Variants in DLG4 observed in about 807,000 individuals in gnomAD.
The protein encoded by DLG4 is disks large homolog 4.
DLG4 carries 7 observed loss-of-function variants against 93.8 expected under a neutral mutation model. The ratio of observed to expected loss-of-function variants is 0.07; its 90% CI spans 0.04 to 0.14. The LOEUF is 0.14. Among genes scored for constraint, DLG4 ranks in the 10% least tolerant of loss-of-function variants. The pLI is 1.00. For missense variants in DLG4, 545 were observed against 992.9 expected, an observed-to-expected ratio of 0.55 and a Z score of 6.06; for synonymous variants, 341 against 387.6, an observed-to-expected ratio of 0.88 and a Z score of 1.41.
chr17:7,219,741 G>T, upstream of DLG4: 1 of 1,447,812 alleles, frequency 6.9e-7, no homozygotes, highest in Non-Finnish European at 9.1e-7. Flanking sequence ...TAGACTCTAG[G>T]TCGGACGGGC....
intron 8 of DLG4, among the ~76,000 whole-genome samples, chr17:7,198,270 G>A (rs987316650): frequency 6.6e-6 from 1 of 151,818 alleles, no homozygotes; most frequent in Admixed American, 6.6e-5. Context: ...ATCACTTGAG[G>A]TTAAGACTTT....
At chr17:7,210,643 G>A (rs1406313667) in intron 1 of DLG4, among the ~76,000 whole-genome samples, 2 of 152,184 alleles carry the variant, frequency 1.3e-5, no homozygotes, top group Admixed American at 6.5e-5. Context: ...CTGGGGGAAG[G>A]GGTGGAAGCC....
At chr17:7,198,936 A>T (rs1313265025) in intron 8 of DLG4, among the ~76,000 whole-genome samples, 1 of 151,830 alleles carries the variant, frequency 6.6e-6, no homozygotes, top group Non-Finnish European at 1.5e-5. Context: ...GGATCGCTTG[A>T]GCCCAGGAGG....
intron 1 of DLG4, among the ~76,000 whole-genome samples, chr17:7,209,775 G>A (rs2070635668): frequency 6.6e-6 from 1 of 151,922 alleles, no homozygotes; most frequent in Admixed American, 6.6e-5. Context: ...GTCTCAAAAA[G>A]AGAGAGAGGC....
At chr17:7,204,604 G>A (rs1236127336) in intron 2 of DLG4, among the ~76,000 whole-genome samples, 1 of 151,772 alleles carries the variant, frequency 6.6e-6, no homozygotes, top group Non-Finnish European at 1.5e-5. Context: ...AGGCTTGGGG[G>A]AAGGGAGCTT....
chr17:7,211,457 G>C (rs1463768994), intron 1 of DLG4, among the ~76,000 whole-genome samples: 1 of 151,604 alleles, frequency 6.6e-6, no homozygotes, highest in Admixed American at 6.6e-5. Flanking sequence ...CTGGAACTGA[G>C]GCTTGCACCC....
chr17:7,193,138 C>A lies in DLG4; in HGVS notation c.1694-21G>T. On this transcript the variant is annotated intron_variant, in intron 16 of 19. Coordinates refer to ENST00000399506, the MANE Select transcript of DLG4 (RefSeq NM_001321075.3). The surrounding 1 kb of genome is among the most constrained non-coding windows in gnomAD (Gnocchi z 6.7). Reference sequence around the variant, plus strand: ...CGTATCTGCCAGGAAGTCACCCCACCCCCCAAAGATCTAACCACCATCCCT... The same window carrying A: ...CGTATCTGCCAGGAAGTCACCCCACACCCCAAAGATCTAACCACCATCCCT... 1 of 1,612,910 alleles carries A rather than the reference C, an allele frequency of 6.2e-7. No individual in the cohort carries two copies. The highest frequency in any genetic ancestry group is 8.5e-7 in the Non-Finnish European group (1 of 1,179,268).
chr17:7,206,080 A>G (rs1391680378), intron 2 of DLG4, among the ~76,000 whole-genome samples: 1 of 151,280 alleles, frequency 6.6e-6, no homozygotes, highest in African/African-American at 2.4e-5. Context: ...ATGTGGCCTC[A>G]TCCTCCATCC....
chr17:7,217,218 G>A lies in DLG4; in HGVS notation c.-71C>T, dbSNP rs1263920402. On this transcript the variant is annotated 5_prime_UTR_variant, in exon 1 of 20. Coordinates refer to ENST00000399506, the MANE Select transcript of DLG4 (RefSeq NM_001321075.3). Reference sequence around the variant, plus strand: ...TCGGAGTTTCGTTCCTCCCCTCCGTGGGTTCTCACCCCTCCCCCCTCCGCA... The same window carrying A: ...TCGGAGTTTCGTTCCTCCCCTCCGTAGGTTCTCACCCCTCCCCCCTCCGCA... The A allele has an allele frequency of 6.3e-6, 8 of 1,261,896 alleles. No homozygotes were observed. The highest frequency in any genetic ancestry group is 7.0e-5 in the South Asian group (2 of 28,662). The allele number at this position is 1,261,896 out of a possible 1,614,324, so 78.2% of individuals were successfully genotyped here. A position where few individuals can be genotyped will look rare whatever the true frequency, so the allele number is the denominator to read the frequency against.
At chr17:7,201,341 C>A (rs1161067694) in intron 8 of DLG4, among the ~76,000 whole-genome samples, 2 of 152,176 alleles carry the variant, frequency 1.3e-5, no homozygotes, top group African/African-American at 4.8e-5. Flanking sequence ...TGATTCTCAA[C>A]CACCATAATT....
At chr17:7,217,924 G>T, upstream of DLG4, 1 of 1,115,636 alleles carries the variant, frequency 9.0e-7, no homozygotes, top group East Asian at 2.6e-5. Flanking sequence ...TAGGGGGTCG[G>T]GTGTGAGGGA....
In DLG4 at chr17:7,194,258, CG is replaced by C; in HGVS notation, c.1478+60del. 2 of 1,548,440 alleles carry C rather than the reference CG, an allele frequency of 1.3e-6. No individual in the cohort carries two copies. The highest frequency in any genetic ancestry group is 1.7e-6 in the Non-Finnish European group (2 of 1,146,018). ...CCCATCCCCTGTTGGCTGCCCACCC[CG>C]GGGGACCTTGGGAACTTCAGTGCCT... is the stretch of plus-strand genomic sequence containing the variant. On this transcript the variant is annotated intron_variant, in intron 12 of 19. Coordinates refer to ENST00000399506, the MANE Select transcript of DLG4 (RefSeq NM_001321075.3). This position sits in a 1 kb window ranked among gnomAD's most constrained non-coding sequence, Gnocchi z 4.4.
rs2069640948 is a variant in DLG4 at position 7,194,038 on chromosome 17, G to A, written c.1479-38C>T. 1 of 1,607,090 alleles carries A rather than the reference G, an allele frequency of 6.2e-7. No homozygotes were observed. The highest frequency in any genetic ancestry group is 8.5e-7 in the Non-Finnish European group (1 of 1,176,588). The stretch of plus-strand genomic sequence containing the variant: ...TGGAGGGATACGCGGGTAGGGGAAT[G>A]CCTACCCCCTGCCACCCCCATGCTC... On this transcript the variant is annotated intron_variant, in intron 12 of 19. Coordinates refer to ENST00000399506, the MANE Select transcript of DLG4 (RefSeq NM_001321075.3). The surrounding 1 kb of genome is among the most constrained non-coding windows in gnomAD (Gnocchi z 4.4).
At position 7,191,337 on chromosome 17, in the gene DLG4, T is replaced by C; in HGVS notation, c.1998A>G (p.Thr666=). 6.2e-7 allele frequency: 1 copy of C among 1,613,926 alleles called. No individual in the cohort carries two copies. Among genetic ancestry groups the C allele is most frequent in the Non-Finnish European group, 8.5e-7 (1 of 1,179,842 alleles). ...CGAAGGCTTTGCGGGCTTGCTCCTC[T>C]GTGATCCGCTTGTTAATCTCTCTGT... ...ENVLEINKRI[T]EEQARKAFDR... Residue 666 remains threonine (T), a synonymous_variant, in exon 19 of 20, where the codon ACA becomes ACG. Transcript: ENST00000399506. This position sits in a 1 kb window ranked among gnomAD's most constrained non-coding sequence, Gnocchi z 6.6.
chr17:7,217,765 G>A (rs1048545082), upstream of DLG4: 8 of 1,535,240 alleles, frequency 5.2e-6, no homozygotes, highest in South Asian at 1.2e-5. Context: ...AGAGGCCCCT[G>A]AGGCAAACAT....
chr17:7,201,419 T>C (rs114464237), intron 8 of DLG4, among the ~76,000 whole-genome samples: 1,680 of 152,248 alleles, frequency 0.011, 36 homozygotes, highest in African/African-American at 0.038. Flanking sequence ...ACCATTGTCA[T>C]CTGATAGACA....
At chr17:7,207,369 AGC>A (rs1248748890) in intron 2 of DLG4, among the ~76,000 whole-genome samples, 2 of 151,908 alleles carry the variant, frequency 1.3e-5, no homozygotes, top group Non-Finnish European at 2.9e-5. Context: ...CCAGCCAGCC[AGC>A]AGGGAGGAAA....
chr17:7,202,624 A>G, intron 8 of DLG4: 1 of 520,218 alleles, frequency 1.9e-6, no homozygotes, highest in East Asian at 2.9e-5. Context: ...GTACTCTGGA[A>G]GAGCAGAAGA....
In DLG4 at chr17:7,189,228, AC is replaced by A. The variant is rs1228866313; in HGVS notation, c.*1479del. 6.6e-6 allele frequency among the ~76,000 whole-genome samples: 1 copy of A among 151,490 alleles called. No individual in the cohort carries two copies. The highest frequency in any genetic ancestry group is 1.5e-5 in the Non-Finnish European group (1 of 67,908). ...ATTTCCAGGCCAGGCGCGGTGGCTC[AC>A]GCCTGTAATCCCAGCACTTTGGGAG... On this transcript the variant is annotated 3_prime_UTR_variant, in exon 20 of 20. Coordinates refer to ENST00000399506, the MANE Select transcript of DLG4 (RefSeq NM_001321075.3).
Sources: allele counts gnomAD v4.1 joint callset (sites outside exome capture counted in the v4.1 genomes callset), GRCh38; gene constraint gnomAD v4.1.1; non-coding constraint Gnocchi (gnomAD v3.1); transcripts MANE v1.5; gene names NCBI Gene and HGNC (gene_info 2026-07-23, HGNC 2026-07-21).